The following CPT1A variants were observed in gnomAD, a reference collection of about 807,000 sequenced individuals.
The protein encoded by CPT1A is carnitine O-palmitoyltransferase 1, liver isoform.
CPT1A carries 64 observed loss-of-function variants against 100.8 expected under a neutral mutation model. The observed-to-expected ratio is 0.63, with a 90% CI of 0.52 to 0.78. The LOEUF is 0.78. Ranked by LOEUF, CPT1A falls within the 30% of genes least tolerant of loss-of-function variation. The probability of loss-of-function intolerance (pLI) is 0.00; values close to 1 mark genes in which losing one functional copy is unlikely to be tolerated. For synonymous variants in CPT1A, 363 were observed against 396.0 expected, an observed-to-expected ratio of 0.92 and a Z score of 0.99; for missense variants, 802 against 1,034.1, an observed-to-expected ratio of 0.78 and a Z score of 3.08.
rs557895415 is a variant in CPT1A at position 68,800,720 on chromosome 11, G to A, written c.556-1365C>T. 9.2e-5 allele frequency among the ~76,000 whole-genome samples: 14 copies of A among 152,100 alleles called. 1 individual carries two copies. Among genetic ancestry groups the A allele is most frequent in the Middle Eastern group, 3.4e-3 (1 of 294 alleles). The stretch of plus-strand genomic sequence containing the variant: ...AATTTGTCATGACATATTTTAATCC[G>A]ACAAGTTGTTTGTCTGCTGTAAAAA... On this transcript the variant is annotated intron_variant, in intron 5 of 18. Coordinates refer to ENST00000265641, the MANE Select transcript of CPT1A (RefSeq NM_001876.4).
Position 68,757,580 on chromosome 11 carries a change from T to C in CPT1A, c.*64A>G. 6.2e-7 allele frequency: 1 copy of C among 1,613,080 alleles called. No homozygotes were observed. Among genetic ancestry groups the C allele is most frequent in the Admixed American group, 1.7e-5 (1 of 60,004 alleles). ...CATCCCGAGCTAAGGTCAGGATTAA[T>C]GCCTATTTTTCATTTGGTTTGCATC... is the stretch of plus-strand genomic sequence containing the variant. On this transcript the variant is annotated 3_prime_UTR_variant, in exon 19 of 19. Transcript: ENST00000265641.
At chr11:68,836,406 G>A (rs1247634862) in intron 1 of CPT1A, among the ~76,000 whole-genome samples, 1 of 152,080 alleles carries the variant, frequency 6.6e-6, no homozygotes, top group East Asian at 1.9e-4. Flanking sequence ...GAGCCCAAAT[G>A]GGAGATTACG....
At chr11:68,754,761 G>A (rs1946661441), downstream of CPT1A, 1 of 779,288 alleles carries the variant, frequency 1.3e-6, no homozygotes, top group East Asian at 2.4e-5. Flanking sequence ...ACTTGGTGAT[G>A]TCCATGGTCT....
chr11:68,842,439 T>TA (rs71463617), upstream of CPT1A, among the ~76,000 whole-genome samples: 184 of 145,926 alleles, frequency 1.3e-3, 1 homozygote, highest in African/African-American at 3.8e-3. Context: ...ACCCCGTCTC[T>TA]AAAAAAAAAA....
Position 68,757,397 on chromosome 11 carries a change from T to G in CPT1A, c.*247A>C. 7.2e-7 allele frequency: 1 copy of G among 1,384,358 alleles called. No individual in the cohort carries two copies. Among genetic ancestry groups the G allele is most frequent in the Non-Finnish European group, 9.3e-7 (1 of 1,070,044 alleles). The allele number at this position is 1,384,358 out of a possible 1,614,324, so 85.8% of individuals were successfully genotyped here. A position where few individuals can be genotyped will look rare whatever the true frequency, so the allele number is the denominator to read the frequency against. On this transcript the variant is annotated 3_prime_UTR_variant, in exon 19 of 19. Transcript: ENST00000265641. ...GCATCCCTTAATAAATCCAAGCCGA[T>G]GCGGAGACATCAGGGGAGACTTTAT...
intron 14 of CPT1A, among the ~76,000 whole-genome samples, chr11:68,771,786 C>T (rs536753304): frequency 2.0e-5 from 3 of 152,344 alleles, no homozygotes; most frequent in Admixed American, 6.5e-5. Flanking sequence ...ACTCTGGAGC[C>T]GCTGGCCCGC....
intron 14 of CPT1A, among the ~76,000 whole-genome samples, chr11:68,770,633 C>T (rs1166462671): frequency 6.6e-6 from 1 of 152,196 alleles, no homozygotes; most frequent in Non-Finnish European, 1.5e-5. Context: ...CTGTGAAACT[C>T]ACTATCTAGG....
At chr11:68,764,358 G>A (rs545751170) in intron 14 of CPT1A, among the ~76,000 whole-genome samples, 1 of 152,318 alleles carries the variant, frequency 6.6e-6, no homozygotes, top group South Asian at 2.1e-4. Flanking sequence ...AGGCCCTGGT[G>A]GCCCCAGGGT....
chr11:68,811,444 C>T (rs1856203226), intron 3 of CPT1A, among the ~76,000 whole-genome samples: 1 of 152,130 alleles, frequency 6.6e-6, no homozygotes, highest in Non-Finnish European at 1.5e-5. Flanking sequence ...GTCACGGCTG[C>T]ACGAGGAAGC....
rs761944958 is a variant in CPT1A, at chr11:68,780,704, C to T, written c.1394G>A (p.Gly465Glu). The change falls in exon 12 of 19, where the codon GGG becomes GAG. Residue 465 changes from glycine to glutamate, a missense_variant. Gly to Glu is a moderately conservative substitution (Grantham distance 98). Transcript: ENST00000265641. The part of the protein sequence containing the change: ...KSFTFVVFKN[G>E]KMGLNAEHSW... ...GTGTTCAGCGTTGAGGCCCATCTTC[C>T]CGTTTTTGAAGACAACAAACGTGAA... is the stretch of plus-strand genomic sequence containing the variant. 1.2e-6 allele frequency: 2 copies of T among 1,614,194 alleles called. No individual in the cohort carries two copies. The highest frequency in any genetic ancestry group is 1.7e-6 in the Non-Finnish European group (2 of 1,180,028).
At chr11:68,765,894 G>A (rs939376613) in intron 14 of CPT1A, among the ~76,000 whole-genome samples, 3 of 150,010 alleles carry the variant, frequency 2.0e-5, no homozygotes, top group Admixed American at 6.6e-5. Context: ...TTTTTTTGGA[G>A]ACAGTCTCAC....
Position 68,757,456 on chromosome 11 carries a change from T to C in CPT1A, c.*188A>G. The C allele has an allele frequency of 1.4e-6, 2 of 1,459,374 alleles. No individual in the cohort carries two copies. Among genetic ancestry groups the C allele is most frequent in the Admixed American group, 2.5e-5 (1 of 39,988 alleles). 90.4% of individuals were successfully genotyped at this position (1,459,374 alleles called of 1,614,324 possible). On this transcript the variant is annotated 3_prime_UTR_variant, in exon 19 of 19. Coordinates refer to ENST00000265641, the MANE Select transcript of CPT1A (RefSeq NM_001876.4). ...CCCCAAGGGAGGGCAAGTCTGGAAG[T>C]AGTGGGGTTATGCTTCACAGGGGAG...
chr11:68,776,585 A>G (rs1855146149), intron 12 of CPT1A, among the ~76,000 whole-genome samples: 1 of 152,122 alleles, frequency 6.6e-6, no homozygotes, highest in Admixed American at 6.5e-5. Flanking sequence ...TGATAAAAAT[A>G]GTACAGAATT....
intron 1 of CPT1A, among the ~76,000 whole-genome samples, chr11:68,835,791 C>T (rs962439537): frequency 1.3e-5 from 2 of 152,232 alleles, no homozygotes; most frequent in Non-Finnish European, 2.9e-5. Context: ...AAAGAAAACA[C>T]ACAGATCTGG....
At chr11:68,760,165 C>T in intron 17 of CPT1A, 60 bp downstream of exon 17, 1 of 1,215,618 alleles carries the variant, frequency 8.2e-7, no homozygotes, top group Non-Finnish European at 1.2e-6. Flanking sequence ...GCCCATCACA[C>T]CCCATTACCC....
intron 4 of CPT1A, among the ~76,000 whole-genome samples, chr11:68,805,310 G>C (rs1285128536): frequency 6.6e-6 from 1 of 152,058 alleles, no homozygotes; most frequent in South Asian, 2.1e-4. Context: ...AATTAGCTGG[G>C]CGTGGTGGTG....
chr11:68,799,455 G>T, intron 5 of CPT1A, 100 bp from the exon 6 acceptor site: 1 of 1,370,040 alleles, frequency 7.3e-7, no homozygotes, highest in Non-Finnish European at 1.0e-6. Flanking sequence ...CTAACACATT[G>T]AAAAGGTTTT....
At chr11:68,783,781 C>T (rs574396124) in intron 10 of CPT1A, among the ~76,000 whole-genome samples, 12 of 152,342 alleles carry the variant, frequency 7.9e-5, no homozygotes, top group South Asian at 4.1e-4. Flanking sequence ...AAGAGGTACC[C>T]GGCCCTGAGT....
chr11:68,810,399 C>T (rs1036449763), intron 3 of CPT1A, among the ~76,000 whole-genome samples: 6 of 152,254 alleles, frequency 3.9e-5, no homozygotes, highest in Middle Eastern at 6.8e-3. Context: ...AGGAACCTGG[C>T]AGGCGTCCCA....
Sources: allele counts gnomAD v4.1 joint callset (sites outside exome capture counted in the v4.1 genomes callset), GRCh38; gene constraint gnomAD v4.1.1; transcripts MANE v1.5; gene names NCBI Gene and HGNC (gene_info 2026-07-23, HGNC 2026-07-21).